Variants in PDE4D observed in about 807,000 individuals in gnomAD.
PDE4D encodes the protein phosphodiesterase 4D.
A neutral mutation model predicts 87.4 loss-of-function variants in PDE4D; 24 were observed. That is an observed-to-expected ratio of 0.27 (90% CI 0.20 to 0.39). PDE4D has a LOEUF of 0.39. Among genes scored for constraint, PDE4D ranks in the 10% least tolerant of loss-of-function variants. The probability of loss-of-function intolerance (pLI) is 1.00; values close to 1 mark genes in which losing one functional copy is unlikely to be tolerated. For missense variants in PDE4D, 714 were observed against 1,041.0 expected (o/e 0.69, Z 4.32); for synonymous variants, 384 against 383.2 (o/e 1.00, Z -0.02).
At chr5:59,414,369 G>A (rs1793224045) in intron 1 of PDE4D, among the ~76,000 whole-genome samples, 1 of 152,218 alleles carries the variant, frequency 6.6e-6, no homozygotes, top group Non-Finnish European at 1.5e-5. Flanking sequence ...ATTGCATCAT[G>A]CTCCGCAGTC....
At chr5:59,705,261 C>A (rs749203866) in intron 1 of PDE4D, among the ~76,000 whole-genome samples, 5 of 152,160 alleles carry the variant, frequency 3.3e-5, no homozygotes, top group African/African-American at 1.2e-4. Context: ...CCTTAATAAC[C>A]AAACTGTTGT....
chr5:59,774,742 C>T (rs1223639769), intron 1 of PDE4D, among the ~76,000 whole-genome samples: 1 of 146,278 alleles, frequency 6.8e-6, no homozygotes, highest in Non-Finnish European at 1.5e-5. Context: ...GGCTGGAGTG[C>T]AGTGGTGCCA....
chr5:59,153,764 G>T (rs74989235), intron 5 of PDE4D, among the ~76,000 whole-genome samples: 11,868 of 126,050 alleles, frequency 0.094, 528 homozygotes, highest in Admixed American at 0.17. Context: ...TTTTTTTTTT[G>T]TTGTTGTTGT....
At chr5:58,990,137 G>A (rs561000853) in intron 9 of PDE4D, among the ~76,000 whole-genome samples, 17 of 152,264 alleles carry the variant, frequency 1.1e-4, no homozygotes, top group Non-Finnish European at 1.2e-4. Context: ...TGGAACCCAA[G>A]AATACTACGC....
intron 1 of PDE4D, among the ~76,000 whole-genome samples, chr5:59,650,656 A>C (rs923717153): frequency 6.6e-6 from 1 of 152,178 alleles, no homozygotes; most frequent in Non-Finnish European, 1.5e-5. Context: ...TTAAATACCT[A>C]AGATTTCTGG....
At chr5:59,545,739 C>T (rs1361940768) in intron 1 of PDE4D, among the ~76,000 whole-genome samples, 3 of 152,042 alleles carry the variant, frequency 2.0e-5, no homozygotes, top group Non-Finnish European at 4.4e-5. Flanking sequence ...TTCTAGTTTG[C>T]CCCTACTGTA....
At chr5:58,981,123 C>G (rs1355405236) in intron 11 of PDE4D, among the ~76,000 whole-genome samples, 1 of 152,136 alleles carries the variant, frequency 6.6e-6, no homozygotes, top group African/African-American at 2.4e-5. Flanking sequence ...TAATCTCTTC[C>G]AGGAACACTC....
At chr5:59,218,321 G>A (rs1751718714) in intron 1 of PDE4D, among the ~76,000 whole-genome samples, 1 of 151,976 alleles carries the variant, frequency 6.6e-6, no homozygotes, top group African/African-American at 2.4e-5. Flanking sequence ...GTTTTTTTCA[G>A]TTCAACTGAG....
intron 1 of PDE4D, among the ~76,000 whole-genome samples, chr5:59,349,583 A>G (rs1021610762): frequency 6.6e-6 from 1 of 152,190 alleles, no homozygotes; most frequent in African/African-American, 2.4e-5. Context: ...ATGAAAATAA[A>G]TAGTATAAAT....
chr5:59,726,878 TATATAGCC>T (rs1461980453), intron 1 of PDE4D, among the ~76,000 whole-genome samples: 4 of 152,086 alleles, frequency 2.6e-5, no homozygotes, highest in African/African-American at 9.7e-5. Flanking sequence ...GAAGATCAAC[TATATAGCC>T]ATCTAGTTTA....
intron 5 of PDE4D, among the ~76,000 whole-genome samples, chr5:59,042,892 A>C (rs1759928050): frequency 6.6e-6 from 1 of 152,174 alleles, no homozygotes; most frequent in Admixed American, 6.5e-5. Context: ...GATGCTGAAG[A>C]AGCAGCTTCC....
intron 11 of PDE4D, among the ~76,000 whole-genome samples, chr5:58,986,682 C>T (rs759143803): frequency 1.1e-4 from 17 of 152,180 alleles, no homozygotes; most frequent in Non-Finnish European, 2.1e-4. Flanking sequence ...CATTCTCTCC[C>T]TGCGCCCCCA....
chr5:59,761,926 C>T (rs1223996558), intron 1 of PDE4D, among the ~76,000 whole-genome samples: 1 of 151,986 alleles, frequency 6.6e-6, no homozygotes, highest in Non-Finnish European at 1.5e-5. Context: ...TTGTTTACAC[C>T]AGCATGCCCA....
chr5:60,084,428 G>T (rs78117007), intron 2 of PDE4D, among the ~76,000 whole-genome samples: 1 of 151,822 alleles, frequency 6.6e-6, no homozygotes, highest in Non-Finnish European at 1.5e-5. Flanking sequence ...GTGCGCATGC[G>T]CACGCATGTG....
intron 5 of PDE4D, among the ~76,000 whole-genome samples, chr5:59,116,632 C>A (rs1773663852): frequency 6.6e-6 from 1 of 152,184 alleles, no homozygotes; most frequent in Non-Finnish European, 1.5e-5. Flanking sequence ...AAGGAAGATG[C>A]TCTGCACGTA....
chr5:59,683,550 C>T (rs1000074651), intron 1 of PDE4D, among the ~76,000 whole-genome samples: 5 of 152,030 alleles, frequency 3.3e-5, no homozygotes, highest in South Asian at 2.1e-4. Context: ...TTACATATTT[C>T]GAGGACAACT....
chr5:59,221,037 T>C (rs1752440585), intron 1 of PDE4D, among the ~76,000 whole-genome samples: 1 of 152,140 alleles, frequency 6.6e-6, no homozygotes. Context: ...TATTATCTCA[T>C]TTAATCCTCA....
intron 1 of PDE4D, among the ~76,000 whole-genome samples, chr5:59,512,909 TA>T (rs1288983752): frequency 1.3e-5 from 2 of 152,142 alleles, no homozygotes; most frequent in South Asian, 4.1e-4. Context: ...ATGTCTAGTT[TA>T]AAAAAATATG....
At chr5:59,024,199 A>AG (rs1755781928) in intron 6 of PDE4D, among the ~76,000 whole-genome samples, 1 of 85,474 alleles carries the variant, frequency 1.2e-5, no homozygotes, top group Non-Finnish European at 2.2e-5. Context: ...GCTGAATTCT[A>AG]CTTTTTTTTT....
Sources: allele counts gnomAD v4.1 joint callset (sites outside exome capture counted in the v4.1 genomes callset), GRCh38; gene constraint gnomAD v4.1.1; transcripts MANE v1.5; gene names NCBI Gene and HGNC (gene_info 2026-07-23, HGNC 2026-07-21).